The following TSHZ2 variants were observed in gnomAD, a reference collection of about 807,000 sequenced individuals.
The protein encoded by TSHZ2 is teashirt homolog 2.
TSHZ2 carries 21 observed loss-of-function variants against 74.4 expected under a neutral mutation model. That is an observed-to-expected ratio of 0.28 (90% confidence interval 0.20 to 0.41). The LOEUF is 0.41. TSHZ2 is among the 10% of genes least tolerant of loss of function. TSHZ2 has a pLI of 1.00. For missense variants in TSHZ2, 1,244 were observed against 1,293.5 expected (o/e 0.96, Z 0.59); for synonymous variants, 540 against 515.3 (o/e 1.05, Z -0.65).
At chr20:53,196,366 TAAAAAAAA>T (rs34385917) in intron 1 of TSHZ2, 46,866 of 110,050 alleles carry the variant, frequency 0.43, 10,178 homozygotes, top group African/African-American at 0.64. Context: ...AATCTGCTGC[TAAAAAAAA>T]AAAAAAAAAA....
intron 2 of TSHZ2, among the ~76,000 whole-genome samples, chr20:53,466,005 G>T: frequency 6.7e-6 from 1 of 150,238 alleles, no homozygotes; most frequent in Non-Finnish European, 1.5e-5. Context: ...CCAGCACTTT[G>T]GGGGGCCCAA....
intron 1 of TSHZ2, among the ~76,000 whole-genome samples, chr20:53,174,287 C>A (rs1057464452): frequency 6.6e-6 from 1 of 152,062 alleles, no homozygotes; most frequent in African/African-American, 2.4e-5. Flanking sequence ...AGAATAAAAT[C>A]AAGTAGAAAA....
At chr20:53,478,721 G>T (rs1313617109) in intron 2 of TSHZ2, among the ~76,000 whole-genome samples, 4 of 151,458 alleles carry the variant, frequency 2.6e-5, no homozygotes, top group African/African-American at 7.3e-5. Context: ...AAAAGAAAGA[G>T]CTCGTGGGGA....
chr20:53,330,093 C>A (rs1013995550), intron 2 of TSHZ2, among the ~76,000 whole-genome samples: 1 of 152,166 alleles, frequency 6.6e-6, no homozygotes, highest in Non-Finnish European at 1.5e-5. Context: ...TAAAATATTT[C>A]TTTATTATCT....
intron 1 of TSHZ2, among the ~76,000 whole-genome samples, chr20:53,152,353 C>T (rs147439750): frequency 1.1e-3 from 160 of 152,236 alleles, no homozygotes; most frequent in Middle Eastern, 3.4e-3. Flanking sequence ...CTGACCCTCA[C>T]CCTAACTTTA....
chr20:53,469,749 C>A (rs1985723341), intron 2 of TSHZ2, among the ~76,000 whole-genome samples: 2 of 82,080 alleles, frequency 2.4e-5, no homozygotes, highest in Non-Finnish European at 4.6e-5. Context: ...AGGAAGGACC[C>A]AAGAAAGATA....
intron 1 of TSHZ2, among the ~76,000 whole-genome samples, chr20:53,225,359 T>C (rs987549791): frequency 2.0e-5 from 3 of 152,228 alleles, no homozygotes; most frequent in African/African-American, 7.2e-5. Flanking sequence ...GAGCCCATCA[T>C]GGGTCCCCTG....
intron 1 of TSHZ2, among the ~76,000 whole-genome samples, chr20:53,140,221 T>C (rs1987353767): frequency 6.6e-6 from 1 of 151,854 alleles, no homozygotes; most frequent in South Asian, 2.1e-4. Context: ...TACTAAAATA[T>C]GTTAATAGAA....
chr20:53,044,050 C>T (rs1418708947), intron 1 of TSHZ2, among the ~76,000 whole-genome samples: 1 of 152,216 alleles, frequency 6.6e-6, no homozygotes, highest in Non-Finnish European at 1.5e-5. Flanking sequence ...AGAAATACTT[C>T]CTGCTCACCG....
chr20:53,047,167 A>G (rs1984258533), intron 1 of TSHZ2, among the ~76,000 whole-genome samples: 1 of 152,254 alleles, frequency 6.6e-6, no homozygotes, highest in African/African-American at 2.4e-5. Flanking sequence ...TTAACATTAA[A>G]CAATGCCGGT....
chr20:53,292,309 G>A (rs1202753912), intron 2 of TSHZ2, among the ~76,000 whole-genome samples: 1 of 152,136 alleles, frequency 6.6e-6, no homozygotes, highest in Non-Finnish European at 1.5e-5. Context: ...GAAATGAGAG[G>A]ATTTTTGACT....
chr20:53,204,276 CATATA>C (rs796074480), intron 1 of TSHZ2, among the ~76,000 whole-genome samples: 30 of 101,398 alleles, frequency 3.0e-4, no homozygotes, highest in Non-Finnish European at 3.4e-4. Context: ...ACTATATCAT[CATATA>C]ACATGATGAT....
intron 1 of TSHZ2, among the ~76,000 whole-genome samples, chr20:53,150,136 T>C (rs1987642309): frequency 6.6e-6 from 1 of 152,174 alleles, no homozygotes; most frequent in Admixed American, 6.5e-5. Flanking sequence ...TTGGGGATGG[T>C]GTCATTGAAG....
intron 1 of TSHZ2, among the ~76,000 whole-genome samples, chr20:53,226,923 G>A (rs1462071547): frequency 1.3e-5 from 2 of 152,182 alleles, no homozygotes; most frequent in Admixed American, 6.5e-5. Context: ...AAATAGTAGG[G>A]TTGTTGTTCG....
intron 1 of TSHZ2, among the ~76,000 whole-genome samples, chr20:52,996,586 G>T (rs1322397240): frequency 7.2e-5 from 11 of 152,004 alleles, no homozygotes; most frequent in Admixed American, 7.2e-4. Flanking sequence ...CTGTATTTGG[G>T]ATTGTTCAGA....
intron 1 of TSHZ2, among the ~76,000 whole-genome samples, chr20:53,111,260 A>T (rs932731393): frequency 6.6e-6 from 1 of 152,230 alleles, no homozygotes; most frequent in Non-Finnish European, 1.5e-5. Flanking sequence ...TCAGTCAATG[A>T]ATATACACTA....
At chr20:53,189,615 C>G (rs998285319) in intron 1 of TSHZ2, among the ~76,000 whole-genome samples, 1 of 152,162 alleles carries the variant, frequency 6.6e-6, no homozygotes, top group African/African-American at 2.4e-5. Flanking sequence ...TCATCCTCAT[C>G]ATCCTTTTCC....
chr20:53,038,192 CAAAAAAAAAAAAAAAAAAAAAAA>C (rs869242676), intron 1 of TSHZ2, among the ~76,000 whole-genome samples: 13 of 53,918 alleles, frequency 2.4e-4, no homozygotes, highest in South Asian at 1.0e-3. Flanking sequence ...GATTCCGTCT[CAAAAAAAAAAAAAAAAAAAAAAA>C]AAAAAAAAAA....
At chr20:53,311,743 G>A (rs1042015109) in intron 2 of TSHZ2, among the ~76,000 whole-genome samples, 2 of 152,150 alleles carry the variant, frequency 1.3e-5, no homozygotes, top group Non-Finnish European at 2.9e-5. Context: ...TCTTCATGAG[G>A]AGAAGATTCT....
Sources: gnomAD v4.1 joint callset for allele counts (sites outside exome capture counted in the v4.1 genomes callset) on GRCh38, gnomAD v4.1.1 for gene constraint, MANE v1.5 for transcripts, NCBI Gene and HGNC (gene_info 2026-07-23, HGNC 2026-07-21) for gene names.